Variants in CFAP69 observed in about 807,000 individuals in gnomAD.
CFAP69 encodes cilia and flagella associated protein 69.
CFAP69 carries 92 observed loss-of-function variants against 123.0 expected under a neutral mutation model. The ratio of observed to expected loss-of-function variants is 0.75; its 90% CI spans 0.63 to 0.89. CFAP69 has a LOEUF of 0.89. Among genes scored for constraint, CFAP69 ranks in the 40% least tolerant of loss-of-function variants. CFAP69 has a pLI of 0.00. For synonymous variants in CFAP69, 380 were observed against 364.3 expected (o/e 1.04, Z -0.49); for missense variants, 1,067 against 1,096.9 (o/e 0.97, Z 0.39).
At chr7:90,261,914 CT>C in intron 3 of CFAP69, 32 bp from the exon 4 acceptor site, 1 of 1,153,556 alleles carries the variant, frequency 8.7e-7, no homozygotes, top group Non-Finnish European at 1.2e-6. Flanking sequence ...AGATATTAAT[CT>C]GAATTTTATT....
rs1796400002 is a variant in CFAP69 at position 90,246,859 on chromosome 7, G to A, written c.120+1315G>A. ...GGAAAAATACTTTTTAAAAGCCATTGCCAAAATAGTCCAAAACATACCAAA... is the reference window on the plus strand; with the variant it reads ...GGAAAAATACTTTTTAAAAGCCATTACCAAAATAGTCCAAAACATACCAAA... On this transcript the variant is annotated intron_variant, in intron 1 of 22. Coordinates refer to ENST00000389297, the MANE Select transcript of CFAP69 (RefSeq NM_001039706.3). Among the ~76,000 whole-genome samples, 3 of 150,700 alleles carry A rather than the reference G, an allele frequency of 2.0e-5. No homozygotes were observed. The South Asian group carries it at 6.3e-4, about 32-fold the overall frequency.
chr7:90,277,722 A>G (rs759601275), intron 11 of CFAP69, among the ~76,000 whole-genome samples: 4 of 152,150 alleles, frequency 2.6e-5, no homozygotes, highest in Non-Finnish European at 5.9e-5. Context: ...GCCAATCTCA[A>G]ACTCTTATGA....
In CFAP69 at chr7:90,299,845, C is replaced by CT. The variant is rs770005790; in HGVS notation, c.1858-18dup. 7 of 1,541,980 alleles carry CT rather than the reference C, an allele frequency of 4.5e-6. No individual in the cohort carries two copies. The Admixed American group carries it at 1.0e-4, about 22-fold the overall frequency. On this transcript the variant is annotated intron_variant, in intron 16 of 22. Coordinates refer to ENST00000389297, the MANE Select transcript of CFAP69 (RefSeq NM_001039706.3). Reference sequence around the variant, plus strand: ...CTTAATATTTATTGCAACTTTTTTCCTTTTCTGTTTCCTTGCTAAAGTTGA... The same window carrying CT: ...CTTAATATTTATTGCAACTTTTTTCCTTTTTCTGTTTCCTTGCTAAAGTTGA...
chr7:90,294,253 C>T (rs1243824434), intron 15 of CFAP69, among the ~76,000 whole-genome samples: 3 of 152,128 alleles, frequency 2.0e-5, no homozygotes, highest in African/African-American at 7.2e-5. Flanking sequence ...AACCTGATAC[C>T]TGATCTGCAT....
At chr7:90,285,736 A>G (rs916022168) in intron 13 of CFAP69, among the ~76,000 whole-genome samples, 28 of 152,158 alleles carry the variant, frequency 1.8e-4, no homozygotes, top group African/African-American at 6.5e-4. Context: ...TTGGTCATAT[A>G]TTTGCAAAGG....
intron 2 of CFAP69, among the ~76,000 whole-genome samples, chr7:90,256,334 C>A (rs1270162860): frequency 2.0e-5 from 3 of 151,944 alleles, no homozygotes; most frequent in Admixed American, 1.3e-4. Flanking sequence ...ACAATGAGAA[C>A]ACATGGACAC....
intron 9 of CFAP69, 141 bp from the exon 10 acceptor site, chr7:90,276,932 T>C (rs943935232): frequency 3.5e-6 from 2 of 577,104 alleles, no homozygotes; most frequent in Admixed American, 4.0e-5. Flanking sequence ...TCACTCTTTA[T>C]TACTATTCAT....
rs772680500 is a variant in CFAP69, at chr7:90,268,349, T to C, written c.497T>C (p.Phe166Ser). The change falls in exon 6 of 23, where the codon TTT becomes TCT. Residue 166 changes from phenylalanine to serine, a missense_variant. Phe to Ser is a radical substitution (Grantham distance 155, BLOSUM62 -2). Coordinates refer to ENST00000389297, the MANE Select transcript of CFAP69 (RefSeq NM_001039706.3). ...CAAATTTGTAAGTGTATTGTTGATT[T>C]TTATCATGCAGAACCACCAAAGAAG... ...RIQICKCIVD[F>S]YHAEPPKKHI... 13 of 1,610,762 alleles carry C rather than the reference T, an allele frequency of 8.1e-6. No individual in the cohort carries two copies. In the African/African-American group the frequency reaches 1.7e-4, roughly 22 times the overall value.
intron 21 of CFAP69, among the ~76,000 whole-genome samples, chr7:90,308,300 G>A (rs1308408050): frequency 6.6e-6 from 1 of 152,072 alleles, no homozygotes; most frequent in Non-Finnish European, 1.5e-5. Flanking sequence ...TGTGAACTGG[G>A]GATAAATATC....
chr7:90,302,690 T>C (rs1301258254), intron 17 of CFAP69: 1 of 152,188 alleles, frequency 6.6e-6, no homozygotes, highest in Non-Finnish European at 1.5e-5. Context: ...TGTCTGTTTT[T>C]GTACCAGTAC....
intron 12 of CFAP69, among the ~76,000 whole-genome samples, chr7:90,280,935 T>C (rs570230040): frequency 5.3e-4 from 81 of 152,352 alleles, no homozygotes; most frequent in African/African-American, 1.9e-3. Flanking sequence ...TTTAGTCTTG[T>C]AAAATTATTT....
chr7:90,303,057 G>A (rs191358272), intron 17 of CFAP69: 110 of 152,094 alleles, frequency 7.2e-4, no homozygotes, highest in African/African-American at 2.5e-3. Context: ...GTATTCCTAG[G>A]TATTTTATTC....
At chr7:90,266,304 G>A (rs1025334680) in intron 5 of CFAP69, 6 of 152,052 alleles carry the variant, frequency 3.9e-5, no homozygotes, top group African/African-American at 1.4e-4. Flanking sequence ...GTAGGTGAAG[G>A]TGTTGTTGAG....
downstream of CFAP69, among the ~76,000 whole-genome samples, chr7:90,314,814 C>G (rs1423826690): frequency 6.6e-6 from 1 of 151,828 alleles, no homozygotes; most frequent in Non-Finnish European, 1.5e-5. Context: ...TGGTGCGCTG[C>G]ACCCACTAAC....
At chr7:90,315,943 A>T (rs1794773220), downstream of CFAP69, among the ~76,000 whole-genome samples, 1 of 152,096 alleles carries the variant, frequency 6.6e-6, no homozygotes, top group South Asian at 2.1e-4. Flanking sequence ...AACTACAAAA[A>T]ATTAGCTGGG....
At chr7:90,262,339 A>G (rs1182186504) in intron 4 of CFAP69, among the ~76,000 whole-genome samples, 1 of 152,220 alleles carries the variant, frequency 6.6e-6, no homozygotes, top group Non-Finnish European at 1.5e-5. Flanking sequence ...AAGGAATTAT[A>G]GTATTTTCAG....
the CFAP69 span, chr7:90,319,900 A>T: frequency 1.8e-5 from 7 of 396,572 alleles, no homozygotes; most frequent in Non-Finnish European, 2.2e-5. Flanking sequence ...ATTACTGATT[A>T]TCACATCTTC....
chr7:90,290,743 GTCTTTTCTTTTCTTTTCTTT>G (rs68042620), intron 15 of CFAP69, among the ~76,000 whole-genome samples: 40,326 of 121,624 alleles, frequency 0.33, 7,955 homozygotes, highest in Non-Finnish European at 0.41. Context: ...TAGAAACAAT[GTCTTTTCTTTTCTTTTCTTT>G]TCTTTTCTTT....
chr7:90,314,915 A>G (rs894660838), downstream of CFAP69, among the ~76,000 whole-genome samples: 2 of 152,082 alleles, frequency 1.3e-5, no homozygotes, highest in Admixed American at 6.6e-5. Flanking sequence ...TCAAATTTAC[A>G]AGAAGAAAAA....
Sources: gnomAD v4.1 joint callset for allele counts (sites outside exome capture counted in the v4.1 genomes callset) on GRCh38, gnomAD v4.1.1 for gene constraint, MANE v1.5 for transcripts, NCBI Gene and HGNC (gene_info 2026-07-23, HGNC 2026-07-21) for gene names.